The following STK32A variants were observed in gnomAD, a reference collection of about 807,000 sequenced individuals.
The protein encoded by STK32A is serine/threonine-protein kinase 32A.
Under a neutral mutation model 53.2 loss-of-function variants are expected in STK32A, and 41 were observed. The observed-to-expected ratio is 0.77, with a 90% CI of 0.60 to 1.00. STK32A has a LOEUF of 1.00. STK32A is among the 50% of genes least tolerant of loss of function. The pLI, the probability that STK32A is intolerant of heterozygous loss-of-function variation, is 0.00. For missense variants in STK32A, 458 were observed against 485.8 expected (o/e 0.94, Z 0.54); for synonymous variants, 166 against 162.8 (o/e 1.02, Z -0.15).
intron 4 of STK32A, among the ~76,000 whole-genome samples, chr5:147,293,210 G>T (rs1322986451): frequency 6.6e-6 from 1 of 152,034 alleles, no homozygotes; most frequent in African/African-American, 2.4e-5. Context: ...CAGGAAATTT[G>T]GTTATGCCTG....
In STK32A at chr5:147,384,933, C is replaced by T. The variant is rs563861124; in HGVS notation, c.*950C>T. On this transcript the variant is annotated 3_prime_UTR_variant, in exon 13 of 13. Coordinates refer to ENST00000397936, the MANE Select transcript of STK32A (RefSeq NM_001112724.2). ...GAATTTAGAAGATAGTAAAATTTAC[C>T]GTTGAAAAACCCCTTAAATTACCCA... is the stretch of plus-strand genomic sequence containing the variant. 1.4e-4 allele frequency: 21 copies of T among 152,858 alleles called. No individual in the cohort carries two copies. The highest frequency in any genetic ancestry group is 4.1e-4 in the South Asian group (2 of 4,844). The allele number at this position is 152,858 out of a possible 1,614,324, so 9.5% of individuals were successfully genotyped here. A position where few individuals can be genotyped will look rare whatever the true frequency, so the allele number is the denominator to read the frequency against.
intron 5 of STK32A, among the ~76,000 whole-genome samples, chr5:147,339,036 T>G (rs1443253174): frequency 6.6e-6 from 1 of 152,178 alleles, no homozygotes. Flanking sequence ...CTGCGGAAAT[T>G]TGCATCAGTA....
In STK32A at chr5:147,279,312, G is replaced by A. The variant is rs1751922757; in HGVS notation, c.174G>A (p.Lys58=). The A allele has an allele frequency of 6.2e-7, 1 of 1,613,836 alleles. No homozygotes were observed. Among genetic ancestry groups the A allele is most frequent in the African/African-American group, 1.3e-5 (1 of 74,946 alleles). The part of the protein sequence containing the change: ...MYAMKYMNKQ[K]CVERNEVRNV... ...CAATGAAGTACATGAATAAACAAAA[G>A]TGCGTGGAGCGCAATGAAGTGAGAA... Residue 58 remains lysine (K), a synonymous_variant, in exon 4 of 13, where the codon AAG becomes AAA. Coordinates refer to ENST00000397936, the MANE Select transcript of STK32A (RefSeq NM_001112724.2).
At chr5:147,344,887 A>T (rs1049369463) in intron 6 of STK32A, among the ~76,000 whole-genome samples, 3 of 152,192 alleles carry the variant, frequency 2.0e-5, no homozygotes, top group Non-Finnish European at 4.4e-5. Context: ...TTCAGAGAAC[A>T]GTGTTTTCAT....
chr5:147,277,815 C>A (rs1751836916), intron 2 of STK32A, among the ~76,000 whole-genome samples: 1 of 152,112 alleles, frequency 6.6e-6, no homozygotes, highest in African/African-American at 2.4e-5. Context: ...TTGAATTTTC[C>A]ATTTATTTTT....
chr5:147,263,959 A>G (rs527257965), intron 2 of STK32A, among the ~76,000 whole-genome samples: 1 of 152,300 alleles, frequency 6.6e-6, no homozygotes, highest in African/African-American at 2.4e-5. Context: ...CTGTTACATC[A>G]AAAGAATCAG....
rs923334209 is a variant in STK32A, at chr5:147,375,327, A to G, written c.1032+109A>G. 32 of 1,394,176 alleles carry G rather than the reference A, an allele frequency of 2.3e-5. 1 individual carries two copies. The South Asian group carries it at 4.6e-4, about 20-fold the overall frequency. The allele number at this position is 1,394,176 out of a possible 1,614,324, so 86.4% of individuals were successfully genotyped here. On this transcript the variant is annotated intron_variant, in intron 11 of 12. Transcript: ENST00000397936. The stretch of plus-strand genomic sequence containing the variant: ...TTTCAGCTTCCTGCTTTTGCTGCTT[A>G]GTGAAATAGGAGAAGTAGATCAGCC...
intron 2 of STK32A, among the ~76,000 whole-genome samples, chr5:147,246,710 A>G (rs1753777353): frequency 6.6e-6 from 1 of 152,208 alleles, no homozygotes; most frequent in Admixed American, 6.5e-5. Flanking sequence ...AATATTTGTA[A>G]TGTGATTTAT....
chr5:147,342,023 G>A lies in STK32A; in HGVS notation c.435-983G>A, dbSNP rs180712064. Among the ~76,000 whole-genome samples, 37 of 152,140 alleles carry A rather than the reference G, an allele frequency of 2.4e-4. No individual in the cohort carries two copies. The East Asian group carries it at 6.4e-3, about 26-fold the overall frequency. The stretch of plus-strand genomic sequence containing the variant: ...AGGAACACTCCTGAATCAAAAAATC[G>A]CATTGTACTTTATAACAGCCCTCAC... On this transcript the variant is annotated intron_variant, in intron 5 of 12. Coordinates refer to ENST00000397936, the MANE Select transcript of STK32A (RefSeq NM_001112724.2).
intron 2 of STK32A, among the ~76,000 whole-genome samples, chr5:147,269,512 A>C (rs1447450423): frequency 6.6e-6 from 1 of 152,200 alleles, no homozygotes; most frequent in Non-Finnish European, 1.5e-5. Flanking sequence ...AACTGTTTCC[A>C]TGTCGAATTG....
intron 4 of STK32A, among the ~76,000 whole-genome samples, chr5:147,290,470 C>A (rs1023351208): frequency 6.6e-6 from 1 of 152,132 alleles, no homozygotes; most frequent in Admixed American, 6.5e-5. Context: ...GGGCTCTTCA[C>A]AAAGCCCTGG....
intron 6 of STK32A, 52 bp from the exon 7 acceptor site, chr5:147,351,013 C>A: frequency 1.3e-6 from 2 of 1,495,212 alleles, no homozygotes; most frequent in South Asian, 1.1e-5. Flanking sequence ...CATGATTGTG[C>A]CACTGGGTTG....
At chr5:147,320,871 C>T (rs763646389) in intron 4 of STK32A, among the ~76,000 whole-genome samples, 2 of 152,122 alleles carry the variant, frequency 1.3e-5, no homozygotes, top group Non-Finnish European at 2.9e-5. Flanking sequence ...GAAAAATAAA[C>T]AGGGCCAGGC....
In STK32A at chr5:147,387,780, A is replaced by G; in HGVS notation, c.*3797A>G. The G allele has an allele frequency of 6.6e-6, 1 of 152,250 alleles. No homozygotes were observed. Among genetic ancestry groups the G allele is most frequent in the East Asian group, 1.9e-4 (1 of 5,196 alleles). 9.4% of individuals were successfully genotyped at this position (152,250 alleles called of 1,614,324 possible). A position where few individuals can be genotyped will look rare whatever the true frequency, so the allele number is the denominator to read the frequency against. ...ATCTGGCAGCCCTCGAATGGGAAAC[A>G]AGTGCTTCTGTTGAGCTGTAGCATA... is the stretch of plus-strand genomic sequence containing the variant. On this transcript the variant is annotated 3_prime_UTR_variant, in exon 13 of 13. Coordinates refer to ENST00000397936, the MANE Select transcript of STK32A (RefSeq NM_001112724.2).
rs1471029546 is a variant in STK32A at position 147,385,655 on chromosome 5, G to T, written c.*1672G>T. 6.6e-6 allele frequency: 1 copy of T among 152,142 alleles called. No individual in the cohort carries two copies. The highest frequency in any genetic ancestry group is 2.4e-5 in the African/African-American group (1 of 41,426). The allele number at this position is 152,142 out of a possible 1,614,324, so 9.4% of individuals were successfully genotyped here. A position where few individuals can be genotyped will look rare whatever the true frequency, so the allele number is the denominator to read the frequency against. ...GCCACAAAGTTTAATTCACCTAAGT[G>T]AGACGTGCATATGATGTAACTCCAC... is the stretch of plus-strand genomic sequence containing the variant. On this transcript the variant is annotated 3_prime_UTR_variant, in exon 13 of 13. Coordinates refer to ENST00000397936, the MANE Select transcript of STK32A (RefSeq NM_001112724.2).
intron 5 of STK32A, among the ~76,000 whole-genome samples, chr5:147,334,203 T>C (rs1015598351): frequency 6.6e-6 from 1 of 152,208 alleles, no homozygotes; most frequent in African/African-American, 2.4e-5. Flanking sequence ...CAAGGAATCG[T>C]TATACCTCAG....
intron 2 of STK32A, among the ~76,000 whole-genome samples, chr5:147,265,046 A>G (rs1056686391): frequency 8.0e-5 from 12 of 150,810 alleles, no homozygotes; most frequent in East Asian, 3.9e-4. Context: ...TCTTCTTTAT[A>G]CTTTGCTGTA....
chr5:147,395,890 G>A, the STK32A span, among the ~76,000 whole-genome samples: 2 of 152,300 alleles, frequency 1.3e-5, no homozygotes, highest in African/African-American at 4.8e-5. Context: ...AAAGGAGGAT[G>A]TGATGATAGA....
rs1261397977 is a variant in STK32A at position 147,370,645 on chromosome 5, T to C, written c.661-9T>C. 5 of 1,578,908 alleles carry C rather than the reference T, an allele frequency of 3.2e-6. No individual in the cohort carries two copies. The highest frequency in any genetic ancestry group is 4.3e-6 in the Non-Finnish European group (5 of 1,153,916). On this transcript the variant is annotated splice_polypyrimidine_tract_variant and intron_variant, in intron 8 of 12. Transcript: ENST00000397936. Reference sequence around the variant, plus strand: ...CAAATGAAGACTTTTACTTCTTTTCTCCCTTAAGAGACCGTATCATATTCG... The same window carrying C: ...CAAATGAAGACTTTTACTTCTTTTCCCCCTTAAGAGACCGTATCATATTCG...
Sources: allele counts gnomAD v4.1 joint callset (sites outside exome capture counted in the v4.1 genomes callset), GRCh38; gene constraint gnomAD v4.1.1; transcripts MANE v1.5; gene names NCBI Gene and HGNC (gene_info 2026-07-23, HGNC 2026-07-21).